The following PTPRS variants were observed in gnomAD, a reference collection of about 807,000 sequenced individuals.
PTPRS encodes receptor-type tyrosine-protein phosphatase S.
In PTPRS, 63 loss-of-function variants were observed where a neutral mutation model predicts 215.3. That is an observed-to-expected ratio of 0.29 (90% CI 0.24 to 0.36). The LOEUF is 0.36. Ranked by LOEUF, PTPRS falls within the 10% of genes least tolerant of loss-of-function variation. The pLI is 1.00. For synonymous variants in PTPRS, 1,404 were observed against 1,191.4 expected, an observed-to-expected ratio of 1.18 and a Z score of -3.68; for missense variants, 2,258 against 2,825.8, an observed-to-expected ratio of 0.80 and a Z score of 4.56.
chr19:5,312,486 C>A (rs1385862023), intron 1 of PTPRS, among the ~76,000 whole-genome samples: 1 of 151,932 alleles, frequency 6.6e-6, no homozygotes, highest in East Asian at 1.9e-4. Context: ...ATAATGAGAC[C>A]TTACCTCTAC....
Position 5,218,771 on chromosome 19 carries a change from G to T in PTPRS, c.3935+16C>A, listed in dbSNP as rs374430829. On this transcript the variant is annotated intron_variant, in intron 24 of 37. Coordinates refer to ENST00000262963, the MANE Select transcript of PTPRS (RefSeq NM_002850.4). ...CCTCTTGCCTGAAGCCTCCACGGGG[G>T]AGGGCTGGTTCTTACCTGTCGGGTT... 9.1e-5 allele frequency: 147 copies of T among 1,612,518 alleles called. 1 individual carries two copies. In the African/African-American group the frequency reaches 1.8e-3, roughly 20 times the overall value.
In PTPRS at chr19:5,338,345, G is replaced by T. The variant is rs1313240063; in HGVS notation, c.-95+2319C>A. 2.0e-5 allele frequency among the ~76,000 whole-genome samples: 3 copies of T among 152,148 alleles called. No individual in the cohort carries two copies. The highest frequency in any genetic ancestry group is 4.4e-5 in the Non-Finnish European group (3 of 68,002). On this transcript the variant is annotated intron_variant, in intron 1 of 37. Transcript: ENST00000262963. The surrounding 1 kb of genome is among the most constrained non-coding windows in gnomAD (Gnocchi z 4.2). ...GAGTATGGCGGGCGGTGGCCCCCAG[G>T]GGGCTGGGAGGCCTAGCCCCCATGC...
chr19:5,224,643 T>G (rs534132818), intron 17 of PTPRS, among the ~76,000 whole-genome samples: 187 of 152,052 alleles, frequency 1.2e-3, no homozygotes, highest in Non-Finnish European at 2.4e-3. Flanking sequence ...CCCAGGGTGG[T>G]GGGGAGAGCA....
chr19:5,265,503 G>C (rs576730147), intron 4 of PTPRS, among the ~76,000 whole-genome samples: 1 of 152,034 alleles, frequency 6.6e-6, no homozygotes, highest in African/African-American at 2.4e-5. Context: ...CACCACGCCT[G>C]GCTAATTTTT....
At chr19:5,310,620 CTTTA>C (rs1197797754) in intron 1 of PTPRS, among the ~76,000 whole-genome samples, 1 of 151,910 alleles carries the variant, frequency 6.6e-6, no homozygotes, top group Admixed American at 6.6e-5. Context: ...GCCTGGCCAA[CTTTA>C]TTTTTCTTAA....
chr19:5,218,876 G>C (rs1176500709), intron 23 of PTPRS, 78 bp from the exon 24 acceptor site: 4 of 1,424,424 alleles, frequency 2.8e-6, no homozygotes, highest in Non-Finnish European at 3.8e-6. Flanking sequence ...TCAAGGGCTT[G>C]TTCTGTGACT....
chr19:5,259,147 G>A (rs1317338467), intron 7 of PTPRS, among the ~76,000 whole-genome samples: 1 of 152,130 alleles, frequency 6.6e-6, no homozygotes, highest in Non-Finnish European at 1.5e-5. Flanking sequence ...TGTTGGTCAT[G>A]AGTAAATAAA....
rs2044300182 is a variant in PTPRS, at chr19:5,244,471, C to A, written c.1000G>T (p.Ala334Ser). ...TCAGTCACCATGGGAGTCCCGGGAG[C>A]TTTGGGGAGAGCTGTGGGCAGGAGG... ...AQITVKSLPK[A>S]PGTPMVTENT... The change falls in exon 11 of 38, where the codon GCT (alanine) becomes TCT (serine). Residue 334 changes from alanine to serine, a missense_variant. Physicochemically the swap from Ala to Ser is moderately conservative, Grantham distance 99 (BLOSUM62 1). Coordinates refer to ENST00000262963, the MANE Select transcript of PTPRS (RefSeq NM_002850.4). The surrounding 1 kb of genome is among the most constrained non-coding windows in gnomAD (Gnocchi z 7.2). 1.2e-6 allele frequency: 2 copies of A among 1,613,264 alleles called. No individual in the cohort carries two copies. Among genetic ancestry groups the A allele is most frequent in the Admixed American group, 1.7e-5 (1 of 59,990 alleles).
Position 5,223,063 on chromosome 19 carries a change from C to T in PTPRS, c.2729G>A (p.Arg910His), listed in dbSNP as rs1305417503. The T allele has an allele frequency of 1.8e-5, 28 of 1,552,610 alleles. No homozygotes were observed. The highest frequency in any genetic ancestry group is 2.7e-5 in the African/African-American group (2 of 73,096). The part of the protein sequence containing the change: ...TYVFRLAARS[R>H]GGLGEEAAEV... ...GGCTGCCTCCTCGCCCAGGCCGCCGCGGCTCCGGGCCGCAAGCCGGAACAC... is the reference window on the plus strand; with the variant it reads ...GGCTGCCTCCTCGCCCAGGCCGCCGTGGCTCCGGGCCGCAAGCCGGAACAC... The change falls in exon 18 of 38, where the codon CGC becomes CAC. Residue 910 changes from arginine to histidine, a missense_variant. By Grantham distance (29) the Arg-to-His change is conservative. Coordinates refer to ENST00000262963, the MANE Select transcript of PTPRS (RefSeq NM_002850.4).
At chr19:5,273,234 A>G in intron 4 of PTPRS, 2 of 630,268 alleles carry the variant, frequency 3.2e-6, no homozygotes, top group Non-Finnish European at 2.8e-6. Flanking sequence ...CTAGTCTCTC[A>G]ATTCCTTTCT....
At chr19:5,307,646 C>A (rs1320634944) in intron 1 of PTPRS, among the ~76,000 whole-genome samples, 1 of 152,124 alleles carries the variant, frequency 6.6e-6, no homozygotes. Flanking sequence ...TCTTCAAAAC[C>A]GTAGCCACGA....
chr19:5,279,343 TTTTTATTTTTA>T (rs1271077955), intron 2 of PTPRS, among the ~76,000 whole-genome samples: 2 of 151,904 alleles, frequency 1.3e-5, no homozygotes, highest in African/African-American at 4.8e-5. Flanking sequence ...GTTATTTTTA[TTTTTATTTTTA>T]TTTTATTTTT....
intron 9 of PTPRS, among the ~76,000 whole-genome samples, chr19:5,248,514 C>A (rs2044714248): frequency 6.6e-6 from 1 of 152,152 alleles, no homozygotes; most frequent in African/African-American, 2.4e-5. Context: ...CCCCATCCAG[C>A]ACCCAAGAGT....
intron 1 of PTPRS, among the ~76,000 whole-genome samples, chr19:5,288,741 A>C (rs1405226716): frequency 1.3e-5 from 2 of 152,194 alleles, no homozygotes; most frequent in East Asian, 1.9e-4. Context: ...TTGCACAGAG[A>C]GCCCAGGTGG....
At chr19:5,261,800 C>G (rs1027818576) in intron 6 of PTPRS, among the ~76,000 whole-genome samples, 1 of 152,200 alleles carries the variant, frequency 6.6e-6, no homozygotes, top group Non-Finnish European at 1.5e-5. Flanking sequence ...CTGAACTTTT[C>G]GGAGTCCCTG....
intron 1 of PTPRS, among the ~76,000 whole-genome samples, chr19:5,296,184 CAT>C (rs944547177): frequency 4.6e-5 from 7 of 152,146 alleles, no homozygotes; most frequent in African/African-American, 1.7e-4. Context: ...GAGGGTGACA[CAT>C]GAGAAACAAA....
chr19:5,319,819 T>C (rs1455998765), intron 1 of PTPRS, among the ~76,000 whole-genome samples: 1 of 151,786 alleles, frequency 6.6e-6, no homozygotes, highest in Non-Finnish European at 1.5e-5. Flanking sequence ...TGCTCAAACA[T>C]CACCTCCTCA....
In PTPRS at chr19:5,257,711, G is replaced by A. The variant is rs2045672725; in HGVS notation, c.706+306C>T. Among the ~76,000 whole-genome samples the A allele has an allele frequency of 6.6e-6, 1 of 152,140 alleles. No individual in the cohort carries two copies. The highest frequency in any genetic ancestry group is 1.5e-5 in the Non-Finnish European group (1 of 68,012). On this transcript the variant is annotated intron_variant, in intron 8 of 37. Coordinates refer to ENST00000262963, the MANE Select transcript of PTPRS (RefSeq NM_002850.4). This position sits in a 1 kb window ranked among gnomAD's most constrained non-coding sequence, Gnocchi z 4.4. ...GGCTCCCCTGGCCCTGTAGGCCCAA[G>A]ACTGACCCCCTCACCCTGCCCCACG...
Position 5,239,001 on chromosome 19 carries a change from C to G in PTPRS, c.1767G>C (p.Glu589Asp). 1 of 1,613,480 alleles carries G rather than the reference C, an allele frequency of 6.2e-7. No homozygotes were observed. Among genetic ancestry groups the G allele is most frequent in the Non-Finnish European group, 8.5e-7 (1 of 1,179,858 alleles). ...AGCGGGCCGCCAGGCGGAAGGCGTA[C>G]TCCGTGTTGGGCTTCAGGTCCTCCA... ...YVVEDLKPNT[E>D]YAFRLAARSP... Residue 589 changes from glutamate to aspartate, a missense_variant, in exon 13 of 38, where the codon GAG becomes GAC. Glu to Asp is a conservative substitution (Grantham distance 45). Coordinates refer to ENST00000262963, the MANE Select transcript of PTPRS (RefSeq NM_002850.4).
Sources: gnomAD v4.1 joint callset for allele counts (sites outside exome capture counted in the v4.1 genomes callset) on GRCh38, gnomAD v4.1.1 for gene constraint, Gnocchi (gnomAD v3.1) non-coding constraint, MANE v1.5 for transcripts, NCBI Gene and HGNC (gene_info 2026-07-23, HGNC 2026-07-21) for gene names.